Variants in TRIM2 observed in about 807,000 individuals in gnomAD.
TRIM2 encodes tripartite motif-containing protein 2.
Under a neutral mutation model 75.2 loss-of-function variants are expected in TRIM2, and 20 were observed. The ratio of observed to expected loss-of-function variants is 0.27; its 90% confidence interval spans 0.19 to 0.39. The LOEUF is 0.39. TRIM2 is among the 10% of genes least tolerant of loss of function. The pLI is 1.00. For synonymous variants in TRIM2, 373 were observed against 388.3 expected (o/e 0.96, Z 0.46); for missense variants, 660 against 990.8 (o/e 0.67, Z 4.48).
intron 6 of TRIM2, among the ~76,000 whole-genome samples, chr4:153,303,313 AT>A (rs57174009): frequency 0.23 from 33,849 of 149,070 alleles, 4,526 homozygotes; most frequent in South Asian, 0.37. Context: ...AAAAAAAAAA[AT>A]ATATAAAAAT....
intron 4 of TRIM2, 132 bp from the exon 5 acceptor site, chr4:153,294,173 G>C: frequency 2.2e-6 from 2 of 900,382 alleles, no homozygotes; most frequent in Non-Finnish European, 3.3e-6. Flanking sequence ...ATCTTATTCT[G>C]TTCTCTGGTT....
chr4:153,251,055 C>A (rs1432250860), intron 1 of TRIM2, among the ~76,000 whole-genome samples: 7 of 152,212 alleles, frequency 4.6e-5, no homozygotes, highest in Admixed American at 3.9e-4. Context: ...CCCAATTAAT[C>A]TACTCCTATC....
chr4:153,316,941 C>T (rs890401796), intron 8 of TRIM2, among the ~76,000 whole-genome samples: 1 of 114,928 alleles, frequency 8.7e-6, no homozygotes, highest in Non-Finnish European at 1.6e-5. Context: ...AGTGCAGTGG[C>T]GCGATCTCAG....
rs189927273 is a variant in TRIM2, at chr4:153,315,396, A to G, written c.1511-89A>G. On this transcript the variant is annotated intron_variant, in intron 6 of 11. Coordinates refer to ENST00000338700, the MANE Select transcript of TRIM2 (RefSeq NM_015271.5). Reference sequence around the variant, plus strand: ...ATTTAAAAACAATGCATTCTCAGGTACCTGTGGAAATCTGAATTATTCTCT... The same window carrying G: ...ATTTAAAAACAATGCATTCTCAGGTGCCTGTGGAAATCTGAATTATTCTCT... 8.1e-5 allele frequency: 84 copies of G among 1,040,736 alleles called. No homozygotes were observed. The African/African-American group carries it at 1.3e-3, about 16-fold the overall frequency. The allele number at this position is 1,040,736 out of a possible 1,614,324, so 64.5% of individuals were successfully genotyped here.
intron 1 of TRIM2, among the ~76,000 whole-genome samples, chr4:153,207,033 G>A (rs917863345): frequency 6.6e-6 from 1 of 152,074 alleles, no homozygotes; most frequent in African/African-American, 2.4e-5. Flanking sequence ...GGGATTACAG[G>A]TGCATGCCCC....
chr4:153,235,755 T>C (rs1236953106), intron 1 of TRIM2, among the ~76,000 whole-genome samples: 1 of 152,154 alleles, frequency 6.6e-6, no homozygotes, highest in Non-Finnish European at 1.5e-5. Context: ...AGCTTTGCAG[T>C]TTTGCACCAG....
At chr4:153,255,056 C>T (rs187452261) in intron 1 of TRIM2, among the ~76,000 whole-genome samples, 255 of 152,336 alleles carry the variant, frequency 1.7e-3, no homozygotes, top group African/African-American at 5.6e-3. Flanking sequence ...TGTATCCCTT[C>T]TATGGGCGCC....
Position 153,335,164 on chromosome 4 carries a change from A to C in TRIM2, c.*198A>C, listed in dbSNP as rs543764385. 6.0e-5 allele frequency: 76 copies of C among 1,269,680 alleles called. No homozygotes were observed. The African/African-American group carries it at 1.1e-3, about 18-fold the overall frequency. The allele number at this position is 1,269,680 out of a possible 1,614,324, so 78.7% of individuals were successfully genotyped here. On this transcript the variant is annotated 3_prime_UTR_variant, in exon 12 of 12. Transcript: ENST00000338700. ...TGTATTTCACCTTTAGGGTTAAAAAAAACTCTTCTACTGAATCTATAAAAA... is the reference window on the plus strand; with the variant it reads ...TGTATTTCACCTTTAGGGTTAAAAACAACTCTTCTACTGAATCTATAAAAA...
At chr4:153,209,941 T>TA (rs1159305430) in intron 1 of TRIM2, among the ~76,000 whole-genome samples, 5 of 152,206 alleles carry the variant, frequency 3.3e-5, no homozygotes, top group Non-Finnish European at 5.9e-5. Flanking sequence ...AACTGAACTT[T>TA]AAAGCTGTAA....
At chr4:153,264,341 T>A (rs1036951424) in intron 1 of TRIM2, among the ~76,000 whole-genome samples, 1 of 152,228 alleles carries the variant, frequency 6.6e-6, no homozygotes, top group African/African-American at 2.4e-5. Context: ...ATGTGTCTGA[T>A]GTTAGTTCCT....
intron 1 of TRIM2, among the ~76,000 whole-genome samples, chr4:153,220,406 A>AGTT (rs1739626032): frequency 1.3e-5 from 2 of 152,184 alleles, no homozygotes; most frequent in Non-Finnish European, 2.9e-5. Context: ...GCTTCTGACA[A>AGTT]CAGACTAACT....
chr4:153,201,238 A>G (rs1260306290), upstream of TRIM2, among the ~76,000 whole-genome samples: 2 of 152,192 alleles, frequency 1.3e-5, no homozygotes, highest in Admixed American at 6.5e-5. Context: ...TGCTGGGATT[A>G]CAGGCGTGAG....
At chr4:153,331,801 ACAT>A (rs1371856600) in intron 11 of TRIM2, among the ~76,000 whole-genome samples, 3 of 152,232 alleles carry the variant, frequency 2.0e-5, no homozygotes, top group Non-Finnish European at 4.4e-5. Context: ...ATAAACACAT[ACAT>A]CAGTGGGACA....
At chr4:153,278,627 C>T (rs1758543067) in intron 3 of TRIM2, among the ~76,000 whole-genome samples, 1 of 152,018 alleles carries the variant, frequency 6.6e-6, no homozygotes. Context: ...GGCGAAATCC[C>T]ACCTCTACCA....
chr4:153,175,415 A>G (rs1209833083), intron 1 of TRIM2, among the ~76,000 whole-genome samples: 1 of 152,094 alleles, frequency 6.6e-6, no homozygotes, highest in Non-Finnish European at 1.5e-5. Flanking sequence ...TGAGCAATGC[A>G]AGAACTCTCA....
At chr4:153,258,959 C>A (rs941804966) in intron 1 of TRIM2, among the ~76,000 whole-genome samples, 7 of 152,198 alleles carry the variant, frequency 4.6e-5, no homozygotes, top group African/African-American at 1.7e-4. Context: ...TGAGAAGTTT[C>A]ATGTGTGCTG....
At chr4:153,170,149 G>T (rs1359151489) in intron 1 of TRIM2, among the ~76,000 whole-genome samples, 4 of 152,134 alleles carry the variant, frequency 2.6e-5, no homozygotes, top group African/African-American at 7.2e-5. Flanking sequence ...GAGGAAGAGG[G>T]GGAAAAGGGA....
At chr4:153,299,237 A>G (rs943805401) in intron 6 of TRIM2, among the ~76,000 whole-genome samples, 1 of 152,084 alleles carries the variant, frequency 6.6e-6, no homozygotes, top group Non-Finnish European at 1.5e-5. Context: ...AAGTGAGATC[A>G]TGTATTATTT....
rs772625397 is a variant in TRIM2, at chr4:153,204,486, G to T, written c.-45G>T. ...ATGGGCCCAGTTGTCTGCGGGCTGC[G>T]GGGAGCTAAGTCCCCAGATTGGAGG... On this transcript the variant is annotated 5_prime_UTR_variant, in exon 1 of 12. Coordinates refer to ENST00000338700, the MANE Select transcript of TRIM2 (RefSeq NM_015271.5). 3 of 1,551,126 alleles carry T rather than the reference G, an allele frequency of 1.9e-6. No individual in the cohort carries two copies. The highest frequency in any genetic ancestry group is 2.4e-5 in the South Asian group (2 of 84,036).
Sources: gnomAD v4.1 joint callset for allele counts (sites outside exome capture counted in the v4.1 genomes callset) on GRCh38, gnomAD v4.1.1 for gene constraint, MANE v1.5 for transcripts, NCBI Gene and HGNC (gene_info 2026-07-23, HGNC 2026-07-21) for gene names.